SNX29: variants seen among roughly 807,000 people sequenced by gnomAD.
The protein encoded by SNX29 is sorting nexin-29.
In SNX29, 78 loss-of-function variants were observed where a neutral mutation model predicts 102.1. The ratio of observed to expected loss-of-function variants is 0.76; its 90% CI spans 0.64 to 0.92. The LOEUF (loss-of-function observed/expected upper bound fraction) is 0.92, where lower values mean the gene tolerates loss of function less well. SNX29 is among the 40% of genes least tolerant of loss of function. The probability of loss-of-function intolerance (pLI) is 0.00; values close to 1 mark genes in which losing one functional copy is unlikely to be tolerated. For missense variants in SNX29, 1,280 were observed against 1,061.7 expected (o/e 1.21, Z -2.86); for synonymous variants, 580 against 414.5 (o/e 1.40, Z -4.85).
intron 20 of SNX29, among the ~76,000 whole-genome samples, chr16:12,537,325 C>T (rs1248936289): frequency 6.6e-6 from 1 of 152,210 alleles, no homozygotes. Context: ...TAAGCCAAAG[C>T]TCTGTTAGTA....
Position 12,048,318 on chromosome 16 carries a change from C to A in SNX29, c.500-54C>A. On this transcript the variant is annotated intron_variant, in intron 6 of 20. Coordinates refer to ENST00000566228, the MANE Select transcript of SNX29 (RefSeq NM_032167.5). Reference sequence around the variant, plus strand: ...TGTCTGCAGCTGTCTTCTCTTGTTGCTGGTATGACTGCCCATCAGCAAGCA... The same window carrying A: ...TGTCTGCAGCTGTCTTCTCTTGTTGATGGTATGACTGCCCATCAGCAAGCA... The A allele has an allele frequency of 1.1e-5, 18 of 1,611,782 alleles. 1 individual carries two copies. In the Middle Eastern group the frequency reaches 6.6e-4, roughly 59 times the overall value.
intron 15 of SNX29, among the ~76,000 whole-genome samples, chr16:12,346,083 A>AT (rs1389894826): frequency 7.8e-6 from 1 of 128,550 alleles, no homozygotes; most frequent in Non-Finnish European, 1.9e-5. Context: ...TTATTGAAGG[A>AT]TTTTAAGCAG....
At position 11,991,663 on chromosome 16, in the gene SNX29, C is replaced by T. The variant is rs1005445877; in HGVS notation, c.8-7634C>T. Among the ~76,000 whole-genome samples the T allele has an allele frequency of 3.3e-5, 5 of 151,648 alleles. No homozygotes were observed. The South Asian group carries it at 8.3e-4, about 25-fold the overall frequency. ...GTTCAAGTGATTCTCCTGCCTCAGC[C>T]TCCCAATTAGCTGAGATTACAGGTG... On this transcript the variant is annotated intron_variant, in intron 1 of 20. Transcript: ENST00000566228.
chr16:12,143,202 G>C (rs1356078984), intron 13 of SNX29, among the ~76,000 whole-genome samples: 5 of 151,674 alleles, frequency 3.3e-5, no homozygotes. Flanking sequence ...TCTCCATGTT[G>C]GTCAGGCTGG....
In SNX29 at chr16:12,017,552, T is replaced by C. The variant is rs546609136; in HGVS notation, c.123-9768T>C. Among the ~76,000 whole-genome samples, 65 of 152,376 alleles carry C rather than the reference T, an allele frequency of 4.3e-4. 1 individual carries two copies. The highest frequency in any genetic ancestry group is 7.8e-4 in the Non-Finnish European group (53 of 68,044). On this transcript the variant is annotated intron_variant, in intron 3 of 20. Transcript: ENST00000566228. Reference sequence around the variant, plus strand: ...GCCATGTAGACATTTACAAATTTTATGTAATTAATTCTGTGAACCTTAAAA... The same window carrying C: ...GCCATGTAGACATTTACAAATTTTACGTAATTAATTCTGTGAACCTTAAAA...
intron 19 of SNX29, among the ~76,000 whole-genome samples, chr16:12,497,549 C>A (rs887699877): frequency 6.6e-6 from 1 of 152,176 alleles, no homozygotes; most frequent in Non-Finnish European, 1.5e-5. Flanking sequence ...GGAATGACTT[C>A]AGGAGTGGCT....
At position 12,572,100 on chromosome 16, in the gene SNX29, C is replaced by T. The variant is rs371002229; in HGVS notation, c.*3471C>T. ...GGAAGAGGAAGGGGAGGGATGTGGA[C>T]TGGGTCTGATCACAGCCCTTGGCCC... is the stretch of plus-strand genomic sequence containing the variant. On this transcript the variant is annotated 3_prime_UTR_variant, in exon 21 of 21. Transcript: ENST00000566228. 142 of 1,059,228 alleles carry T rather than the reference C, an allele frequency of 1.3e-4. 1 individual carries two copies. In the African/African-American group the frequency reaches 2.0e-3, roughly 15 times the overall value. 65.6% of individuals were successfully genotyped at this position (1,059,228 alleles called of 1,614,324 possible). A position where few individuals can be genotyped will look rare whatever the true frequency, so the allele number is the denominator to read the frequency against.
intron 20 of SNX29, among the ~76,000 whole-genome samples, chr16:12,552,476 G>C (rs28397159): frequency 8.5e-5 from 13 of 152,154 alleles, no homozygotes; most frequent in East Asian, 3.8e-4. Flanking sequence ...ATCACCCAAC[G>C]ATTGGGCCTC....
chr16:12,006,923 T>C (rs370836615), intron 3 of SNX29, among the ~76,000 whole-genome samples: 1 of 152,204 alleles, frequency 6.6e-6, no homozygotes, highest in Admixed American at 6.5e-5. Context: ...GCCTGGGTTA[T>C]CCCTTTTTTA....
At chr16:12,152,493 C>A (rs1395763172) in intron 13 of SNX29, among the ~76,000 whole-genome samples, 1 of 152,138 alleles carries the variant, frequency 6.6e-6, no homozygotes, top group Non-Finnish European at 1.5e-5. Flanking sequence ...CTTTGGAAAC[C>A]CTGCCCTATC....
At chr16:12,534,679 T>C (rs11075088) in intron 20 of SNX29, among the ~76,000 whole-genome samples, 61,133 of 152,074 alleles carry the variant, frequency 0.4, 12,494 homozygotes, top group Middle Eastern at 0.52. Context: ...TGTCGGAGGA[T>C]CTTTGATTCT....
At chr16:12,550,076 G>A (rs1022738062) in intron 20 of SNX29, among the ~76,000 whole-genome samples, 2 of 152,170 alleles carry the variant, frequency 1.3e-5, no homozygotes, top group Admixed American at 6.5e-5. Flanking sequence ...ACCCTTTATA[G>A]GAAGTTTGCC....
intron 18 of SNX29, among the ~76,000 whole-genome samples, chr16:12,470,307 C>T (rs1272649219): frequency 1.3e-5 from 2 of 152,308 alleles, no homozygotes; most frequent in South Asian, 2.1e-4. Flanking sequence ...GTTCCACGTT[C>T]GCTGTGTGTC....
chr16:12,469,102 C>G (rs1461109600), intron 18 of SNX29, among the ~76,000 whole-genome samples: 1 of 152,186 alleles, frequency 6.6e-6, no homozygotes, highest in Non-Finnish European at 1.5e-5. Flanking sequence ...ACATCCAGAC[C>G]TTTATGCTAC....
intron 13 of SNX29, among the ~76,000 whole-genome samples, chr16:12,170,870 G>A (rs1012261695): frequency 3.3e-5 from 5 of 151,828 alleles, no homozygotes; most frequent in African/African-American, 9.7e-5. Context: ...GCGCGCGCGC[G>A]TGCTGTTTAC....
chr16:11,987,933 A>G (rs2150978194), intron 1 of SNX29, among the ~76,000 whole-genome samples: 1 of 152,302 alleles, frequency 6.6e-6, no homozygotes, highest in East Asian at 1.9e-4. Flanking sequence ...CTGCACCCAT[A>G]GATTGTTACC....
chr16:11,983,805 T>C (rs1179892778), intron 1 of SNX29: 4 of 657,494 alleles, frequency 6.1e-6, no homozygotes, highest in Non-Finnish European at 5.7e-6. Context: ...AATGTGAGCA[T>C]ATTTCCAGAT....
At chr16:12,183,830 A>G (rs2076448860) in intron 13 of SNX29, among the ~76,000 whole-genome samples, 1 of 152,212 alleles carries the variant, frequency 6.6e-6, no homozygotes, top group Non-Finnish European at 1.5e-5. Flanking sequence ...AATCCCACCA[A>G]AACCACGATG....
intron 4 of SNX29, among the ~76,000 whole-genome samples, chr16:12,039,016 A>G (rs1358243011): frequency 1.3e-5 from 2 of 152,190 alleles, no homozygotes; most frequent in Non-Finnish European, 2.9e-5. Flanking sequence ...GGATTGAGAC[A>G]CAAGATAGTC....
Sources: gnomAD v4.1 joint callset for allele counts (sites outside exome capture counted in the v4.1 genomes callset) on GRCh38, gnomAD v4.1.1 for gene constraint, MANE v1.5 for transcripts, NCBI Gene and HGNC (gene_info 2026-07-23, HGNC 2026-07-21) for gene names.